CTNND2: variants seen among roughly 807,000 people sequenced by gnomAD.
CTNND2 encodes the protein catenin delta-2.
Under a neutral mutation model 144.4 loss-of-function variants are expected in CTNND2, and 22 were observed. The observed-to-expected ratio is 0.15, with a 90% confidence interval of 0.11 to 0.22. CTNND2 has a LOEUF of 0.22. CTNND2 is among the 10% of genes least tolerant of loss of function. The pLI is 1.00. For synonymous variants in CTNND2, 751 were observed against 695.6 expected (o/e 1.08, Z -1.25); for missense variants, 1,353 against 1,618.8 (o/e 0.84, Z 2.82).
At chr5:11,626,837 T>C (rs1262174576) in intron 2 of CTNND2, among the ~76,000 whole-genome samples, 2 of 152,212 alleles carry the variant, frequency 1.3e-5, no homozygotes, top group Admixed American at 1.3e-4. Context: ...AGCACACACA[T>C]TCACACACAA....
chr5:11,735,108 T>C (rs1455019971), intron 1 of CTNND2, among the ~76,000 whole-genome samples: 1 of 152,194 alleles, frequency 6.6e-6, no homozygotes, highest in South Asian at 2.1e-4. Context: ...AGAATCAGAT[T>C]AAATATGATT....
At chr5:11,071,805 T>TA (rs1748344367) in intron 16 of CTNND2, among the ~76,000 whole-genome samples, 1 of 152,034 alleles carries the variant, frequency 6.6e-6, no homozygotes, top group Non-Finnish European at 1.5e-5. Context: ...TGAGGGGTAG[T>TA]AAAGAGAACT....
At chr5:11,232,330 GCA>G (rs1491033471) in intron 10 of CTNND2, among the ~76,000 whole-genome samples, 4 of 34,990 alleles carry the variant, frequency 1.1e-4, no homozygotes, top group Admixed American at 2.4e-4. Context: ...TGGAAAAGCT[GCA>G]GACACTCAAC....
intron 2 of CTNND2, among the ~76,000 whole-genome samples, chr5:11,707,265 C>T (rs1334804692): frequency 2.0e-5 from 3 of 152,110 alleles, no homozygotes; most frequent in Admixed American, 2.0e-4. Context: ...AAAGTGAGAA[C>T]TAGGTGTCCC....
chr5:11,750,471 C>T (rs1788549656), intron 1 of CTNND2, among the ~76,000 whole-genome samples: 1 of 151,876 alleles, frequency 6.6e-6, no homozygotes, highest in Admixed American at 6.6e-5. Flanking sequence ...GTTACTTTGG[C>T]ATGCCCAGCC....
intron 1 of CTNND2, among the ~76,000 whole-genome samples, chr5:11,804,212 G>C (rs181366378): frequency 6.6e-6 from 1 of 152,066 alleles, no homozygotes; most frequent in Non-Finnish European, 1.5e-5. Context: ...AGTTACTGTC[G>C]AGGATACAGC....
chr5:10,973,672 A>G lies in CTNND2; in HGVS notation c.3459T>C (p.Asp1153=). 1.2e-6 allele frequency: 2 copies of G among 1,612,868 alleles called. No individual in the cohort carries two copies. Among genetic ancestry groups the G allele is most frequent in the Non-Finnish European group, 1.7e-6 (2 of 1,179,350 alleles). ...QPVPQEPSRK[D]YETYQPFQNS... is the part of the protein sequence containing the mutation. ...TCTGAAATGGCTGGTAGGTCTCGTA[A>G]TCTTTTCTGCTGGGCTCCTGTGGGA... is the stretch of plus-strand genomic sequence containing the variant. The change falls in exon 22 of 22, where the codon GAT becomes GAC. Residue 1153 remains aspartate (D), a synonymous_variant. Coordinates refer to ENST00000304623, the MANE Select transcript of CTNND2 (RefSeq NM_001332.4). The surrounding 1 kb of genome is among the most constrained non-coding windows in gnomAD (Gnocchi z 5.6).
intron 3 of CTNND2, among the ~76,000 whole-genome samples, chr5:11,559,667 G>GGGT (rs1776530613): frequency 6.6e-6 from 1 of 152,160 alleles, no homozygotes; most frequent in Non-Finnish European, 1.5e-5. Context: ...AGTAGCTGGA[G>GGGT]GGTGCACAAG....
chr5:11,598,675 G>A (rs1004111950), intron 2 of CTNND2, among the ~76,000 whole-genome samples: 23 of 152,128 alleles, frequency 1.5e-4, no homozygotes, highest in African/African-American at 5.6e-4. Flanking sequence ...AAGATGAAGA[G>A]CTGGGAAAAT....
intron 3 of CTNND2, among the ~76,000 whole-genome samples, chr5:11,456,891 G>C (rs1240602725): frequency 6.6e-6 from 1 of 152,078 alleles, no homozygotes; most frequent in Non-Finnish European, 1.5e-5. Flanking sequence ...TGAAAATCTA[G>C]AACTCTGGTC....
chr5:11,834,131 GAAATA>G lies in CTNND2; in HGVS notation c.37+69681_37+69685del, dbSNP rs202140761. ...GTGCTAAGGAAAACAGAACCTTGGG[GAAATA>G]AAATAAAAGCACACAGCCAATAAAA... is the stretch of plus-strand genomic sequence containing the variant. On this transcript the variant is annotated intron_variant, in intron 1 of 21. Coordinates refer to ENST00000304623, the MANE Select transcript of CTNND2 (RefSeq NM_001332.4). Among the ~76,000 whole-genome samples, 1,182 of 152,098 alleles carry G rather than the reference GAAATA, an allele frequency of 7.8e-3. 19 individuals carry two copies. The highest frequency in any genetic ancestry group is 0.027 in the African/African-American group (1,129 of 41,476).
chr5:11,810,770 T>C (rs1049101444), intron 1 of CTNND2, among the ~76,000 whole-genome samples: 4 of 152,186 alleles, frequency 2.6e-5, no homozygotes, highest in Non-Finnish European at 5.9e-5. Context: ...GCCTCTTAAA[T>C]TAGCTAATTA....
chr5:11,290,054 C>T (rs188761827), intron 9 of CTNND2, among the ~76,000 whole-genome samples: 337 of 152,194 alleles, frequency 2.2e-3, no homozygotes, highest in African/African-American at 4.8e-3. Context: ...ACACATTTTC[C>T]GGAAGACAAG....
intron 1 of CTNND2, among the ~76,000 whole-genome samples, chr5:11,806,066 T>C (rs1791978418): frequency 6.6e-6 from 1 of 152,154 alleles, no homozygotes; most frequent in Non-Finnish European, 1.5e-5. Flanking sequence ...AGTCTGAGAA[T>C]CTTCCAGAGT....
intron 1 of CTNND2, among the ~76,000 whole-genome samples, chr5:11,742,143 C>A (rs946075307): frequency 4.0e-5 from 6 of 151,850 alleles, no homozygotes; most frequent in African/African-American, 1.5e-4. Flanking sequence ...TCAGAAATCA[C>A]CACTAAAGAA....
At chr5:11,565,340 T>C (rs1247696858) in intron 2 of CTNND2, among the ~76,000 whole-genome samples, 2 of 152,248 alleles carry the variant, frequency 1.3e-5, no homozygotes, top group Non-Finnish European at 2.9e-5. Flanking sequence ...GATACTGTCA[T>C]GAAAAATTAT....
At chr5:11,394,798 C>T (rs1177467411) in intron 6 of CTNND2, among the ~76,000 whole-genome samples, 1 of 152,090 alleles carries the variant, frequency 6.6e-6, no homozygotes, top group Non-Finnish European at 1.5e-5. Flanking sequence ...TTTTTAAATA[C>T]TGAAATTAGA....
chr5:11,813,400 C>T (rs570096040), intron 1 of CTNND2, among the ~76,000 whole-genome samples: 65 of 152,212 alleles, frequency 4.3e-4, no homozygotes, highest in Non-Finnish European at 5.0e-4. Flanking sequence ...CTCAGCCACC[C>T]GAATCTTGGA....
chr5:11,397,884 C>G (rs1760286981), intron 5 of CTNND2, among the ~76,000 whole-genome samples: 1 of 152,140 alleles, frequency 6.6e-6, no homozygotes, highest in African/African-American at 2.4e-5. Flanking sequence ...AGTTTCTGGT[C>G]TTACTTAATT....
Sources: allele counts gnomAD v4.1 joint callset (sites outside exome capture counted in the v4.1 genomes callset), GRCh38; gene constraint gnomAD v4.1.1; non-coding constraint Gnocchi (gnomAD v3.1); transcripts MANE v1.5; gene names NCBI Gene and HGNC (gene_info 2026-07-23, HGNC 2026-07-21).